The following LHFPL3 variants were observed in gnomAD, a reference collection of about 807,000 sequenced individuals.
LHFPL3 encodes the protein LHFPL tetraspan subfamily member 3.
In LHFPL3, 5 loss-of-function variants were observed where a neutral mutation model predicts 19.3. The observed-to-expected ratio is 0.26, with a 90% CI of 0.14 to 0.54. The LOEUF is 0.54. Ranked by LOEUF, LHFPL3 falls within the 20% of genes least tolerant of loss-of-function variation. The pLI is 0.94. For missense variants in LHFPL3, 249 were observed against 307.4 expected (o/e 0.81, Z 1.42); for synonymous variants, 133 against 126.2 (o/e 1.05, Z -0.36).
At chr7:104,622,693 C>G (rs1073013) in intron 1 of LHFPL3, among the ~76,000 whole-genome samples, 152,347 of 152,358 alleles carry the variant, frequency 1, 76,168 homozygotes, top group Non-Finnish European at 1. Context: ...CATGCAATAA[C>G]TGGTTTTTAG....
At chr7:104,740,578 G>A (rs186112948) in intron 2 of LHFPL3, among the ~76,000 whole-genome samples, 117 of 152,308 alleles carry the variant, frequency 7.7e-4, no homozygotes, top group African/African-American at 2.8e-3. Flanking sequence ...CCACATGGCT[G>A]GGGAGGTCTC....
intron 1 of LHFPL3, among the ~76,000 whole-genome samples, chr7:104,402,719 A>G (rs1030409749): frequency 1.3e-5 from 2 of 152,230 alleles, no homozygotes; most frequent in Admixed American, 1.3e-4. Context: ...TATTTGACAG[A>G]TAAGAAAATT....
At chr7:104,417,191 T>A (rs565145695) in intron 1 of LHFPL3, among the ~76,000 whole-genome samples, 1 of 152,368 alleles carries the variant, frequency 6.6e-6, no homozygotes, top group East Asian at 1.9e-4. Flanking sequence ...GCTATCATTT[T>A]ACATCGTGAC....
intron 2 of LHFPL3, among the ~76,000 whole-genome samples, chr7:104,861,579 G>A (rs757131054): frequency 1.1e-4 from 17 of 152,128 alleles, no homozygotes; most frequent in Admixed American, 2.6e-4. Flanking sequence ...GAGAAGTGTA[G>A]CTGAAGCTGT....
chr7:104,433,752 CTT>C (rs1792045606), intron 1 of LHFPL3, among the ~76,000 whole-genome samples: 6 of 152,156 alleles, frequency 3.9e-5, no homozygotes, highest in African/African-American at 1.4e-4. Flanking sequence ...AGACCAGTCT[CTT>C]TCTCTGATTT....
chr7:104,461,324 A>G (rs1294956031), intron 1 of LHFPL3, among the ~76,000 whole-genome samples: 1 of 152,136 alleles, frequency 6.6e-6, no homozygotes, highest in Admixed American at 6.6e-5. Context: ...ATTCAAGATG[A>G]TATTTTGGGT....
chr7:104,550,103 G>C (rs529280169), intron 1 of LHFPL3, among the ~76,000 whole-genome samples: 1 of 152,026 alleles, frequency 6.6e-6, no homozygotes, highest in African/African-American at 2.4e-5. Context: ...CCTAAAAGTG[G>C]CCTACTGCAG....
chr7:104,869,792 G>A (rs535518131), intron 2 of LHFPL3, among the ~76,000 whole-genome samples: 7 of 152,234 alleles, frequency 4.6e-5, no homozygotes, highest in Non-Finnish European at 5.9e-5. Flanking sequence ...ACATGCACAC[G>A]TATGTTTATT....
intron 2 of LHFPL3, among the ~76,000 whole-genome samples, chr7:104,845,652 G>A (rs555491226): frequency 6.6e-6 from 1 of 152,336 alleles, no homozygotes; most frequent in Admixed American, 6.5e-5. Flanking sequence ...TGTCAGCCTG[G>A]CACCTCCCTG....
At chr7:104,706,510 C>G (rs980246420) in intron 1 of LHFPL3, among the ~76,000 whole-genome samples, 1 of 152,160 alleles carries the variant, frequency 6.6e-6, no homozygotes. Context: ...AGTTGTCATC[C>G]ATAATGTAGA....
At chr7:104,347,138 T>C (rs1790085925) in intron 1 of LHFPL3, among the ~76,000 whole-genome samples, 1 of 152,032 alleles carries the variant, frequency 6.6e-6, no homozygotes. Context: ...ACCATCGCCA[T>C]TGTCTTATCA....
intron 1 of LHFPL3, among the ~76,000 whole-genome samples, chr7:104,645,238 A>G (rs1388137694): frequency 6.6e-6 from 1 of 152,118 alleles, no homozygotes; most frequent in Non-Finnish European, 1.5e-5. Context: ...TTAATGATGC[A>G]TTTCTCCAAC....
Position 104,646,719 on chromosome 7 carries a change from C to T in LHFPL3, c.446-89956C>T, listed in dbSNP as rs116108058. On this transcript the variant is annotated intron_variant, in intron 1 of 2. Transcript: ENST00000424859. ...TATTGAATGTTTATATAACCTAAAT[C>T]ATTAGTCACTAAGTTTATTTTCCAC... Among the ~76,000 whole-genome samples the T allele has an allele frequency of 2.3e-3, 352 of 152,282 alleles. 2 individuals carry two copies. The highest frequency in any genetic ancestry group is 7.3e-3 in the African/African-American group (305 of 41,564).
intron 1 of LHFPL3, among the ~76,000 whole-genome samples, chr7:104,680,135 A>T (rs184500416): frequency 6.6e-6 from 1 of 152,304 alleles, no homozygotes; most frequent in Admixed American, 6.5e-5. Flanking sequence ...AAGGAACGCA[A>T]TGAGCTGAAC....
chr7:104,403,115 A>G (rs1396070468), intron 1 of LHFPL3, among the ~76,000 whole-genome samples: 1 of 152,190 alleles, frequency 6.6e-6, no homozygotes, highest in Non-Finnish European at 1.5e-5. Context: ...TGATGGGTGC[A>G]GCAAACCACC....
chr7:104,414,353 C>A (rs1019927967), intron 1 of LHFPL3, among the ~76,000 whole-genome samples: 1 of 152,172 alleles, frequency 6.6e-6, no homozygotes, highest in Middle Eastern at 3.2e-3. Flanking sequence ...GGATCCCTAG[C>A]AGAGCAATTT....
At chr7:104,344,475 C>A (rs969248950) in intron 1 of LHFPL3, among the ~76,000 whole-genome samples, 1 of 152,174 alleles carries the variant, frequency 6.6e-6, no homozygotes, top group African/African-American at 2.4e-5. Context: ...CTTTGCGTAC[C>A]TATACCTTAG....
intron 1 of LHFPL3, among the ~76,000 whole-genome samples, chr7:104,416,185 G>T (rs377268670): frequency 1.3e-5 from 2 of 152,150 alleles, no homozygotes; most frequent in East Asian, 1.9e-4. Flanking sequence ...GTGACAACAG[G>T]TGCAGGGAGT....
intron 1 of LHFPL3, among the ~76,000 whole-genome samples, chr7:104,429,301 C>CTTTTTTT (rs71823474): frequency 1.2e-4 from 10 of 84,522 alleles, no homozygotes; most frequent in East Asian, 7.2e-4. Flanking sequence ...TATGTCATTC[C>CTTTTTTT]TTTTTTTTTT....
Sources: gnomAD v4.1 joint callset for allele counts (sites outside exome capture counted in the v4.1 genomes callset) on GRCh38, gnomAD v4.1.1 for gene constraint, MANE v1.5 for transcripts, NCBI Gene and HGNC (gene_info 2026-07-23, HGNC 2026-07-21) for gene names.